TGFBR3: variants seen among roughly 807,000 people sequenced by gnomAD.
TGFBR3 encodes the protein transforming growth factor beta receptor 3, also known as transforming growth factor beta receptor type 3.
A neutral mutation model predicts 87.9 loss-of-function variants in TGFBR3; 46 were observed. The ratio of observed to expected loss-of-function variants is 0.52; its 90% CI spans 0.41 to 0.67. TGFBR3 has a LOEUF of 0.67. TGFBR3 is among the 30% of genes least tolerant of loss of function. The pLI, the probability that TGFBR3 is intolerant of heterozygous loss-of-function variation, is 0.00. For missense variants in TGFBR3, 866 were observed against 1,041.9 expected (o/e 0.83, Z 2.32); for synonymous variants, 381 against 391.6 (o/e 0.97, Z 0.32).
chr1:91,811,951 G>A (rs1035565202), intron 2 of TGFBR3, among the ~76,000 whole-genome samples: 4 of 148,802 alleles, frequency 2.7e-5, no homozygotes, highest in East Asian at 3.9e-4. Flanking sequence ...TCAGAAATCC[G>A]TGTGTGTTAT....
chr1:91,806,599 T>A lies in TGFBR3; in HGVS notation c.62-9128A>T, dbSNP rs17886852. On this transcript the variant is annotated intron_variant, in intron 2 of 16. Transcript: ENST00000212355. Reference sequence around the variant, plus strand: ...ACAAACATCTGGTACCTATTCCACATAATTTTCAGCACTCTGATTCCCCAT... The same window carrying A: ...ACAAACATCTGGTACCTATTCCACAAAATTTTCAGCACTCTGATTCCCCAT... 7.8e-3 allele frequency among the ~76,000 whole-genome samples: 1,189 copies of A among 152,268 alleles called. 17 individuals are homozygous for A. The highest frequency in any genetic ancestry group is 0.027 in the African/African-American group (1,119 of 41,534).
At chr1:91,786,334 A>G in intron 3 of TGFBR3, 1 of 444,732 alleles carries the variant, frequency 2.2e-6, no homozygotes, top group East Asian at 7.0e-5. Context: ...AAAGCTGAAG[A>G]GGCCAGTCCC....
intron 10 of TGFBR3, among the ~76,000 whole-genome samples, 160 bp downstream of exon 10, chr1:91,719,152 G>A (rs1202926157): frequency 6.6e-6 from 1 of 152,168 alleles, no homozygotes; most frequent in East Asian, 1.9e-4. Context: ...AAAGAGCTCA[G>A]GGTCAAAGTA....
intron 3 of TGFBR3, among the ~76,000 whole-genome samples, chr1:91,780,208 C>T (rs1374338934): frequency 6.6e-6 from 1 of 152,088 alleles, no homozygotes; most frequent in Non-Finnish European, 1.5e-5. Flanking sequence ...TCTTTGGGGG[C>T]CATTATTTAG....
intron 4 of TGFBR3, among the ~76,000 whole-genome samples, chr1:91,742,915 T>TA (rs1337368760): frequency 2.0e-5 from 3 of 152,198 alleles, no homozygotes; most frequent in Admixed American, 6.5e-5. Flanking sequence ...TATAAGAACT[T>TA]ACGGCTAGGC....
rs1342862077 is a variant in TGFBR3 at position 91,843,520 on chromosome 1, A to C, written c.61+17951T>G. Among the ~76,000 whole-genome samples the C allele has an allele frequency of 6.6e-5, 10 of 152,378 alleles. No homozygotes were observed. The South Asian group carries it at 1.9e-3, about 28-fold the overall frequency. ...TGTGACTTATATGTGACTTTGTTAT[A>C]GCAGTCCAAACTAGGTAAGTACTAT... is the stretch of plus-strand genomic sequence containing the variant. On this transcript the variant is annotated intron_variant, in intron 2 of 16. Coordinates refer to ENST00000212355, the MANE Select transcript of TGFBR3 (RefSeq NM_003243.5).
At chr1:91,801,031 C>A in intron 2 of TGFBR3, 1 of 209,146 alleles carries the variant, frequency 4.8e-6, no homozygotes, top group South Asian at 6.2e-5. Context: ...TGCAGTGAGC[C>A]AAGATCGCGC....
intron 4 of TGFBR3, among the ~76,000 whole-genome samples, chr1:91,749,144 G>A (rs558885560): frequency 1.3e-5 from 2 of 152,252 alleles, no homozygotes; most frequent in South Asian, 2.1e-4. Flanking sequence ...GATTGGGGCA[G>A]GCTTGGCTCC....
intron 2 of TGFBR3, among the ~76,000 whole-genome samples, chr1:91,839,445 C>A (rs566101003): frequency 6.6e-6 from 1 of 152,144 alleles, no homozygotes; most frequent in Non-Finnish European, 1.5e-5. Flanking sequence ...CAAAATACTG[C>A]GTAATTTCAA....
chr1:91,889,531 G>T (rs1679402361), upstream of TGFBR3, among the ~76,000 whole-genome samples: 1 of 152,106 alleles, frequency 6.6e-6, no homozygotes, highest in Non-Finnish European at 1.5e-5. Flanking sequence ...TGTCTACAGA[G>T]ATGTTTTCTC....
intron 2 of TGFBR3, among the ~76,000 whole-genome samples, chr1:91,806,584 G>A (rs1190757351): frequency 1.3e-5 from 2 of 152,006 alleles, no homozygotes; most frequent in Non-Finnish European, 1.5e-5. Context: ...ACAAACATCT[G>A]GTACCTATTC....
intron 2 of TGFBR3, among the ~76,000 whole-genome samples, chr1:91,895,771 A>G (rs896309584): frequency 3.9e-5 from 6 of 152,218 alleles, no homozygotes; most frequent in African/African-American, 1.4e-4. Flanking sequence ...AATCAAATGT[A>G]ACAATGAAAA....
At position 91,816,377 on chromosome 1, in the gene TGFBR3, A is replaced by C. The variant is rs564552409; in HGVS notation, c.62-18906T>G. ...TTTGACAAAGATTACCAAAACATCT[A>C]TTTTTCTTTCTTTCTCCTCATTTTT... On this transcript the variant is annotated intron_variant, in intron 2 of 16. Coordinates refer to ENST00000212355, the MANE Select transcript of TGFBR3 (RefSeq NM_003243.5). Among the ~76,000 whole-genome samples the C allele has an allele frequency of 2.0e-5, 3 of 152,240 alleles. No homozygotes were observed. In the East Asian group the frequency reaches 5.8e-4, roughly 29 times the overall value.
In TGFBR3 at chr1:91,725,288, A is replaced by T. The variant is rs74098271; in HGVS notation, c.885+2371T>A. 2.7e-3 allele frequency among the ~76,000 whole-genome samples: 404 copies of T among 151,858 alleles called. 1 individual carries two copies. Among genetic ancestry groups the T allele is most frequent in the African/African-American group, 9.5e-3 (395 of 41,388 alleles). On this transcript the variant is annotated intron_variant, in intron 7 of 16. Coordinates refer to ENST00000212355, the MANE Select transcript of TGFBR3 (RefSeq NM_003243.5). ...ATTTAATGGTGCTCTTCTTTAAATT[A>T]CTCCATCAGACTCCTTACAATTCCC... is the stretch of plus-strand genomic sequence containing the variant.
At chr1:91,758,471 T>C in intron 4 of TGFBR3, 142 bp downstream of exon 4, 1 of 1,004,318 alleles carries the variant, frequency 1.0e-6, no homozygotes. Context: ...CAAATATCAC[T>C]AAGTGCATCC....
intron 2 of TGFBR3, among the ~76,000 whole-genome samples, chr1:91,843,811 A>G (rs1283892297): frequency 6.6e-6 from 1 of 152,186 alleles, no homozygotes; most frequent in East Asian, 1.9e-4. Flanking sequence ...TGTCTCTGTC[A>G]AGACCACTCT....
At chr1:91,825,718 C>T (rs1226305346) in intron 2 of TGFBR3, among the ~76,000 whole-genome samples, 5 of 152,292 alleles carry the variant, frequency 3.3e-5, no homozygotes, top group African/African-American at 1.2e-4. Context: ...CAGTGGCTCA[C>T]GCCTGTAATC....
chr1:91,687,198 T>A (rs1671115572), intron 16 of TGFBR3, among the ~76,000 whole-genome samples: 3 of 152,156 alleles, frequency 2.0e-5, no homozygotes, highest in African/African-American at 4.8e-5. Flanking sequence ...TGCAGTCACT[T>A]ACAGTGCCAG....
intron 4 of TGFBR3, among the ~76,000 whole-genome samples, chr1:91,748,935 G>A (rs189662165): frequency 6.6e-5 from 10 of 152,146 alleles, no homozygotes; most frequent in Non-Finnish European, 1.5e-4. Flanking sequence ...TAAGTACTCA[G>A]AAGAGTACCT....
Sources: allele counts gnomAD v4.1 joint callset (sites outside exome capture counted in the v4.1 genomes callset), GRCh38; gene constraint gnomAD v4.1.1; transcripts MANE v1.5; gene names NCBI Gene and HGNC (gene_info 2026-07-23, HGNC 2026-07-21).